RTL4: variants seen among roughly 807,000 people sequenced by gnomAD.
The protein encoded by RTL4 is retrotransposon Gag-like protein 4.
Under a neutral mutation model 5.3 loss-of-function variants are expected in RTL4, and 4 were observed. The observed-to-expected ratio is 0.75, with a 90% confidence interval of 0.37 to 1.72. The LOEUF is 1.72. Among genes scored for constraint, RTL4 ranks in the 40% most tolerant of loss-of-function variants. RTL4 has a pLI of 0.04. For synonymous variants in RTL4, 98 were observed against 87.3 expected (o/e 1.12, Z -0.68); for missense variants, 260 against 227.1 (o/e 1.14, Z -0.93).
chrX:112,275,216 G>T, the RTL4 span, among the ~76,000 whole-genome samples: 5,633 of 105,955 alleles, frequency 0.053, 403 homozygotes, highest in African/African-American at 0.19. Flanking sequence ...CTGGTAGCTA[G>T]CTGAGAGCGG....
At chrX:112,370,080 G>A in the RTL4 span, among the ~76,000 whole-genome samples, 3 of 111,892 alleles carry the variant, frequency 2.7e-5, no homozygotes, top group Non-Finnish European at 5.7e-5. Context: ...AACTGGTTAT[G>A]TAAATCAAGT....
At chrX:112,326,553 C>T in the RTL4 span, among the ~76,000 whole-genome samples, 8 of 112,033 alleles carry the variant, frequency 7.1e-5, no homozygotes, top group East Asian at 2.0e-3. Context: ...TCAGATCAAA[C>T]TGCAAGGTGG....
At chrX:112,408,847 C>A in the RTL4 span, among the ~76,000 whole-genome samples, 1 of 112,063 alleles carries the variant, frequency 8.9e-6, no homozygotes, top group East Asian at 2.8e-4. Context: ...TACAGGAAAC[C>A]TTTCCGTGGA....
At chrX:112,413,480 A>AG in the RTL4 span, among the ~76,000 whole-genome samples, 1 of 111,989 alleles carries the variant, frequency 8.9e-6, no homozygotes, top group Non-Finnish European at 1.9e-5. Context: ...GACTGGATAA[A>AG]GAAAATATGG....
the RTL4 span, among the ~76,000 whole-genome samples, chrX:112,119,983 T>C: frequency 8.9e-6 from 1 of 112,397 alleles, no homozygotes; most frequent in East Asian, 2.8e-4. Context: ...AATGAGTTAA[T>C]GTAACATGTT....
chrX:112,186,833 A>G, the RTL4 span, among the ~76,000 whole-genome samples: 4 of 111,835 alleles, frequency 3.6e-5, no homozygotes. Context: ...TCTAGCCCTT[A>G]CCTTTCTGCA....
At chrX:112,084,908 C>T in the RTL4 span, among the ~76,000 whole-genome samples, 2 of 112,364 alleles carry the variant, frequency 1.8e-5, no homozygotes, top group African/African-American at 3.2e-5. Flanking sequence ...TTTCTCTGCT[C>T]CTGCCCTATC....
chrX:112,156,127 A>G, the RTL4 span, among the ~76,000 whole-genome samples: 2 of 112,237 alleles, frequency 1.8e-5, no homozygotes, highest in Admixed American at 1.9e-4. Context: ...AAAGAATTCC[A>G]TAGTATTTTC....
At chrX:112,370,084 A>G in the RTL4 span, among the ~76,000 whole-genome samples, 6 of 111,894 alleles carry the variant, frequency 5.4e-5, no homozygotes, top group East Asian at 1.7e-3. Flanking sequence ...GGTTATGTAA[A>G]TCAAGTTTGG....
chrX:112,191,603 A>G, the RTL4 span, among the ~76,000 whole-genome samples: 9 of 111,864 alleles, frequency 8.0e-5, no homozygotes, highest in South Asian at 3.7e-4. Context: ...TTCTGACTGC[A>G]TTTTGTAAAG....
chrX:112,155,950 A>T, the RTL4 span, among the ~76,000 whole-genome samples: 13,623 of 111,168 alleles, frequency 0.12, 2,087 homozygotes, highest in African/African-American at 0.42. Context: ...TCTTTTGGCT[A>T]ATTCTGGATG....
chrX:112,443,669 G>C, the RTL4 span, among the ~76,000 whole-genome samples: 1 of 111,619 alleles, frequency 9.0e-6, no homozygotes, highest in African/African-American at 3.3e-5. Context: ...GTTTTGATTT[G>C]CATTTCTCTG....
At chrX:112,381,623 A>G in the RTL4 span, 4 of 1,194,333 alleles carry the variant, frequency 3.3e-6, no homozygotes, top group African/African-American at 3.5e-5. Flanking sequence ...ATCAGCCTTC[A>G]GGTGTGCCGA....
chrX:112,424,131 A>C, the RTL4 span, among the ~76,000 whole-genome samples: 2 of 112,091 alleles, frequency 1.8e-5, no homozygotes, highest in South Asian at 7.4e-4. Flanking sequence ...GTTGGAACTT[A>C]ATACTTGTAG....
the RTL4 span, among the ~76,000 whole-genome samples, chrX:112,440,372 G>A: frequency 9.0e-6 from 1 of 111,503 alleles, no homozygotes; most frequent in Non-Finnish European, 1.9e-5. Flanking sequence ...CTGAGGCCTG[G>A]TGGCAGGTCA....
At chrX:112,453,991 G>A (rs1926787460), upstream of RTL4, among the ~76,000 whole-genome samples, 1 of 111,380 alleles carries the variant, frequency 9.0e-6, no homozygotes, top group South Asian at 3.7e-4. Flanking sequence ...GTGTGACCTT[G>A]GGAAAACATC....
the RTL4 span, among the ~76,000 whole-genome samples, chrX:112,375,299 G>C: frequency 9.0e-6 from 1 of 111,033 alleles, no homozygotes. Context: ...GAAGTCTACA[G>C]GCAAGTTGTC....
the RTL4 span, among the ~76,000 whole-genome samples, chrX:112,132,562 C>T: frequency 1.7e-4 from 19 of 112,104 alleles, no homozygotes; most frequent in African/African-American, 3.9e-4. Flanking sequence ...TGGAGTTTCA[C>T]TGACCCCCTC....
the RTL4 span, among the ~76,000 whole-genome samples, chrX:112,104,963 G>T: frequency 9.0e-6 from 1 of 111,304 alleles, no homozygotes; most frequent in African/African-American, 3.3e-5. Flanking sequence ...ACAAATAATT[G>T]CCCAGACCAA....
Sources: gnomAD v4.1 joint callset for allele counts (sites outside exome capture counted in the v4.1 genomes callset) on GRCh38, gnomAD v4.1.1 for gene constraint, MANE v1.5 for transcripts, NCBI Gene and HGNC (gene_info 2026-07-23, HGNC 2026-07-21) for gene names.